The following NLGN1 variants were observed in gnomAD, a reference collection of about 807,000 sequenced individuals.
NLGN1 encodes the protein neuroligin 1, also known as neuroligin-1.
A neutral mutation model predicts 65.5 loss-of-function variants in NLGN1; 12 were observed. The observed-to-expected ratio is 0.18, with a 90% confidence interval of 0.12 to 0.30. The LOEUF is 0.30. Ranked by LOEUF, NLGN1 falls within the 10% of genes least tolerant of loss-of-function variation. The pLI is 1.00. For missense variants in NLGN1, 750 were observed against 1,007.1 expected, an observed-to-expected ratio of 0.74 and a Z score of 3.46; for synonymous variants, 350 against 359.5, an observed-to-expected ratio of 0.97 and a Z score of 0.30.
At chr3:174,128,386 A>C (rs1719411466) in intron 4 of NLGN1, among the ~76,000 whole-genome samples, 1 of 152,176 alleles carries the variant, frequency 6.6e-6, no homozygotes, top group Non-Finnish European at 1.5e-5. Context: ...AATAATAGAA[A>C]AGATAATATG....
intron 4 of NLGN1, among the ~76,000 whole-genome samples, chr3:173,870,563 T>C (rs1411944240): frequency 1.3e-5 from 2 of 152,138 alleles, no homozygotes; most frequent in Non-Finnish European, 2.9e-5. Flanking sequence ...AAAAGGAGCA[T>C]CCAGGATGAG....
chr3:174,147,070 C>A (rs946472844), intron 4 of NLGN1, among the ~76,000 whole-genome samples: 5 of 152,238 alleles, frequency 3.3e-5, no homozygotes, highest in African/African-American at 1.2e-4. Context: ...TATGTAGATA[C>A]CCAGTGAATC....
rs200212547 is a variant in NLGN1 at position 173,818,895 on chromosome 3, C to CTTTTTTTTTTTTTTTTTTTTT, written c.646+11079_646+11080insTTTTTTTTTTTTTTTTTTTTT. Among the ~76,000 whole-genome samples the CTTTTTTTTTTTTTTTTTTTTT allele has an allele frequency of 1.2e-4, 11 of 92,382 alleles. 3 individuals carry two copies. Among genetic ancestry groups the CTTTTTTTTTTTTTTTTTTTTT allele is most frequent in the African/African-American group, 5.2e-4 (11 of 21,218 alleles). 60.6% of individuals were successfully genotyped at this position (92,382 alleles called of 152,430 possible). A position where few individuals can be genotyped will look rare whatever the true frequency, so the allele number is the denominator to read the frequency against. ...AATTTTGTTCTGCCTTTGAATAGTTCTTTTTTTTTTTTTTTTCCAGTAAGG... is the reference window on the plus strand; with the variant it reads ...AATTTTGTTCTGCCTTTGAATAGTTCTTTTTTTTTTTTTTTTTTTTTTTTTTTTTTTTTTTTTCCAGTAAGG... On this transcript the variant is annotated intron_variant, in intron 4 of 6. Transcript: ENST00000457714.
At chr3:173,457,547 T>C (rs1393464039) in intron 2 of NLGN1, among the ~76,000 whole-genome samples, 1 of 152,112 alleles carries the variant, frequency 6.6e-6, no homozygotes, top group Non-Finnish European at 1.5e-5. Context: ...AGGAAGGCCC[T>C]TGAGGATTTT....
intron 2 of NLGN1, among the ~76,000 whole-genome samples, chr3:173,545,038 T>C (rs111595143): frequency 0.029 from 4,438 of 150,526 alleles, 205 homozygotes; most frequent in African/African-American, 0.098. Context: ...CTGCAAAGTT[T>C]TGTGTGTGTG....
intron 3 of NLGN1, among the ~76,000 whole-genome samples, chr3:173,667,195 C>G (rs903059060): frequency 1.3e-5 from 2 of 150,074 alleles, no homozygotes; most frequent in Non-Finnish European, 3.0e-5. Flanking sequence ...AGGTTATTTC[C>G]ATTTTAATTT....
intron 4 of NLGN1, among the ~76,000 whole-genome samples, chr3:174,203,941 G>T (rs944224498): frequency 6.6e-6 from 1 of 152,094 alleles, no homozygotes; most frequent in Non-Finnish European, 1.5e-5. Context: ...TTCTATTGGA[G>T]TCATTATTTT....
In NLGN1 at chr3:174,145,127, C is replaced by A. The variant is rs1267414956; in HGVS notation, c.647-130188C>A. 4.6e-5 allele frequency among the ~76,000 whole-genome samples: 7 copies of A among 152,070 alleles called. No individual in the cohort carries two copies. In the South Asian group the frequency reaches 8.3e-4, roughly 18 times the overall value. Reference sequence around the variant, plus strand: ...GTTTTAGTTTTCTGCATATGGCTAGCCAGTTTTCCCAACACCACTTATTAA... The same window carrying A: ...GTTTTAGTTTTCTGCATATGGCTAGACAGTTTTCCCAACACCACTTATTAA... On this transcript the variant is annotated intron_variant, in intron 4 of 6. Coordinates refer to ENST00000457714, the Ensembl canonical transcript of NLGN1.
At chr3:174,025,994 T>G (rs1332005677) in intron 4 of NLGN1, among the ~76,000 whole-genome samples, 1 of 152,190 alleles carries the variant, frequency 6.6e-6, no homozygotes, top group East Asian at 1.9e-4. Context: ...TCAGATATAG[T>G]TATTTAGTCC....
At chr3:174,138,008 T>C (rs981112604) in intron 4 of NLGN1, among the ~76,000 whole-genome samples, 2 of 152,180 alleles carry the variant, frequency 1.3e-5, no homozygotes, top group African/African-American at 2.4e-5. Flanking sequence ...CTAATCCATT[T>C]GACTCGAAGT....
intron 4 of NLGN1, among the ~76,000 whole-genome samples, chr3:173,931,183 A>C (rs1744020989): frequency 6.6e-6 from 1 of 152,040 alleles, no homozygotes; most frequent in South Asian, 2.1e-4. Context: ...TCCAAGCATC[A>C]CTCTAGGGGC....
intron 2 of NLGN1, among the ~76,000 whole-genome samples, chr3:173,504,383 G>A (rs113402143): frequency 0.012 from 1,886 of 152,074 alleles, 17 homozygotes; most frequent in Middle Eastern, 0.044. Flanking sequence ...GTGCTTTAGC[G>A]TTTTCAGAAA....
intron 4 of NLGN1, among the ~76,000 whole-genome samples, chr3:173,939,245 A>T (rs780644026): frequency 2.6e-5 from 4 of 152,222 alleles, no homozygotes; most frequent in Admixed American, 6.5e-5. Context: ...TCTCCTGAGT[A>T]GAGCTCAACT....
intron 4 of NLGN1, among the ~76,000 whole-genome samples, chr3:173,977,348 G>A (rs1326196367): frequency 6.6e-6 from 1 of 151,886 alleles, no homozygotes; most frequent in Non-Finnish European, 1.5e-5. Flanking sequence ...AAGGGCACGT[G>A]CATAAACACT....
chr3:173,958,239 G>A (rs748063613), intron 4 of NLGN1, among the ~76,000 whole-genome samples: 48 of 152,182 alleles, frequency 3.2e-4, no homozygotes, highest in Non-Finnish European at 6.6e-4. Context: ...CCACCATTTG[G>A]CAGATTCCAA....
At chr3:174,032,143 A>G (rs1730159427) in intron 4 of NLGN1, among the ~76,000 whole-genome samples, 1 of 152,190 alleles carries the variant, frequency 6.6e-6, no homozygotes, top group Non-Finnish European at 1.5e-5. Context: ...AATGTAATTC[A>G]CAAGAAGCCA....
intron 2 of NLGN1, among the ~76,000 whole-genome samples, chr3:173,595,564 C>G (rs973070702): frequency 6.6e-6 from 1 of 152,188 alleles, no homozygotes; most frequent in Non-Finnish European, 1.5e-5. Context: ...GTTTCAACCT[C>G]TGCCTGTTAC....
At chr3:174,093,957 G>T (rs1438608681) in intron 4 of NLGN1, among the ~76,000 whole-genome samples, 1 of 151,932 alleles carries the variant, frequency 6.6e-6, no homozygotes, top group Non-Finnish European at 1.5e-5. Context: ...CACAGTTTGG[G>T]AATTTAAGTG....
At chr3:173,939,903 T>A (rs1745713508) in intron 4 of NLGN1, among the ~76,000 whole-genome samples, 1 of 152,114 alleles carries the variant, frequency 6.6e-6, no homozygotes. Context: ...ATTCTAAAAA[T>A]TGATTTAATG....
Sources: allele counts gnomAD v4.1 joint callset (sites outside exome capture counted in the v4.1 genomes callset), GRCh38; gene constraint gnomAD v4.1.1; transcripts MANE v1.5; gene names NCBI Gene and HGNC (gene_info 2026-07-23, HGNC 2026-07-21).